Variants in PHF24 observed in about 807,000 individuals in gnomAD.
The protein encoded by PHF24 is Galpha inhibitory interacting protein.
A neutral mutation model predicts 42.6 loss-of-function variants in PHF24; 25 were observed. The observed-to-expected ratio is 0.59, with a 90% CI of 0.43 to 0.82. The LOEUF (loss-of-function observed/expected upper bound fraction) is 0.82. Ranked by LOEUF, PHF24 falls within the 40% of genes least tolerant of loss-of-function variation. PHF24 has a pLI of 0.00. For synonymous variants in PHF24, 185 were observed against 204.8 expected, an observed-to-expected ratio of 0.90 and a Z score of 0.83; for missense variants, 470 against 538.1, an observed-to-expected ratio of 0.87 and a Z score of 1.25.
rs140052705 is a variant in PHF24 at position 34,973,589 on chromosome 9, A to G, written c.564+1058A>G. Among the ~76,000 whole-genome samples, 1,404 of 152,284 alleles carry G rather than the reference A, an allele frequency of 9.2e-3. 11 individuals are homozygous for G. The highest frequency in any genetic ancestry group is 0.015 in the Non-Finnish European group (1,014 of 68,024). ...GTTTATTGATTTCAGAGTGAGGAGC[A>G]CCTGCTGATCCCCCCTTCTTCCTGC... is the stretch of plus-strand genomic sequence containing the variant. On this transcript the variant is annotated intron_variant, in intron 3 of 7. Transcript: ENST00000242315.
chr9:34,852,370 A>C, the PHF24 span, among the ~76,000 whole-genome samples: 1,140 of 152,292 alleles, frequency 7.5e-3, 19 homozygotes, highest in African/African-American at 0.026. Context: ...TACATTGTTC[A>C]AATGTCAACT....
the PHF24 span, among the ~76,000 whole-genome samples, chr9:34,731,313 T>G: frequency 6.6e-6 from 1 of 152,214 alleles, no homozygotes; most frequent in Non-Finnish European, 1.5e-5. Flanking sequence ...TATTTGAAAA[T>G]GTACAATAAA....
At chr9:34,708,408 C>A in the PHF24 span, among the ~76,000 whole-genome samples, 2 of 152,302 alleles carry the variant, frequency 1.3e-5, no homozygotes, top group African/African-American at 2.4e-5. Flanking sequence ...GAGAGCACAA[C>A]AGCCCCATTA....
the PHF24 span, among the ~76,000 whole-genome samples, chr9:34,792,663 A>G: frequency 7.3e-6 from 1 of 137,570 alleles, no homozygotes; most frequent in Non-Finnish European, 1.6e-5. Context: ...AACAAAAGCG[A>G]AACTCCATCT....
chr9:34,760,135 T>C, the PHF24 span, among the ~76,000 whole-genome samples: 1 of 152,188 alleles, frequency 6.6e-6, no homozygotes, highest in Non-Finnish European at 1.5e-5. Context: ...CTGTGGACGC[T>C]GGAGGGCTGC....
chr9:34,872,345 A>C, the PHF24 span, among the ~76,000 whole-genome samples: 1 of 124,362 alleles, frequency 8.0e-6, no homozygotes, highest in Non-Finnish European at 1.7e-5. Flanking sequence ...TCCCAATGCT[A>C]TCCCTCCCCC....
the PHF24 span, among the ~76,000 whole-genome samples, chr9:34,877,932 G>T: frequency 2.0e-5 from 3 of 151,942 alleles, no homozygotes; most frequent in East Asian, 1.9e-4. Flanking sequence ...GAGCACAGGG[G>T]GTTTTTAGGC....
chr9:34,880,371 G>C, the PHF24 span, among the ~76,000 whole-genome samples: 1 of 152,198 alleles, frequency 6.6e-6, no homozygotes, highest in African/African-American at 2.4e-5. Context: ...AAATGTAAAT[G>C]TAAATGGGCT....
At chr9:34,971,966 C>T (rs7047205) in intron 2 of PHF24, among the ~76,000 whole-genome samples, 94,749 of 151,816 alleles carry the variant, frequency 0.62, 29,891 homozygotes, top group East Asian at 0.78. Context: ...CTACACCCTG[C>T]GGGAGGCAAT....
At chr9:34,892,627 G>A in the PHF24 span, 7 of 445,018 alleles carry the variant, frequency 1.6e-5, no homozygotes, top group Non-Finnish European at 2.8e-5. Context: ...TTCAGGGAAA[G>A]AAAGGGAATC....
chr9:34,745,107 G>A, the PHF24 span, among the ~76,000 whole-genome samples: 1 of 152,202 alleles, frequency 6.6e-6, no homozygotes, highest in African/African-American at 2.4e-5. Flanking sequence ...AGCAGAGGAG[G>A]GATTAGAGCA....
At chr9:34,837,080 G>C in the PHF24 span, 717 of 471,458 alleles carry the variant, frequency 1.5e-3, 3 homozygotes, top group African/African-American at 0.013. Context: ...TCATGACAGA[G>C]AACAGCTCTT....
At chr9:34,691,218 G>T in the PHF24 span, 1 of 1,329,504 alleles carries the variant, frequency 7.5e-7, no homozygotes, top group Non-Finnish European at 1.1e-6. Context: ...GTGTGAGGCT[G>T]CAGGGCGACT....
chr9:34,807,211 T>C, the PHF24 span, among the ~76,000 whole-genome samples: 2 of 152,304 alleles, frequency 1.3e-5, no homozygotes, highest in East Asian at 3.9e-4. Flanking sequence ...ATTAAGGAAA[T>C]TTCATTCTAT....
the PHF24 span, among the ~76,000 whole-genome samples, chr9:34,909,310 T>TTTG: frequency 3.2e-3 from 489 of 152,236 alleles, 5 homozygotes; most frequent in African/African-American, 0.011. Context: ...TTTGTTTAGT[T>TTTG]TTGTCTGCCC....
chr9:34,963,844 A>G (rs1826680118), intron 1 of PHF24, among the ~76,000 whole-genome samples: 1 of 152,198 alleles, frequency 6.6e-6, no homozygotes, highest in South Asian at 2.1e-4. Context: ...TGGTGACTGC[A>G]TAGTTTCTAG....
the PHF24 span, among the ~76,000 whole-genome samples, chr9:34,912,124 C>T: frequency 6.6e-6 from 1 of 152,120 alleles, no homozygotes; most frequent in Non-Finnish European, 1.5e-5. Flanking sequence ...CCTGGTCATA[C>T]GGCTGAGCTG....
At chr9:34,970,667 G>C (rs1223119045) in intron 1 of PHF24, among the ~76,000 whole-genome samples, 1 of 152,208 alleles carries the variant, frequency 6.6e-6, no homozygotes, top group African/African-American at 2.4e-5. Context: ...CTGTGTTGCT[G>C]CCAGCTTGCT....
chr9:34,724,343 G>A, the PHF24 span: 1 of 1,551,246 alleles, frequency 6.4e-7, no homozygotes, highest in Non-Finnish European at 8.7e-7. Context: ...CAAGTCATTG[G>A]CCAGCTGTTC....
Sources: gnomAD v4.1 joint callset for allele counts (sites outside exome capture counted in the v4.1 genomes callset) on GRCh38, gnomAD v4.1.1 for gene constraint, MANE v1.5 for transcripts, NCBI Gene and HGNC (gene_info 2026-07-23, HGNC 2026-07-21) for gene names.